ARID3B: variants seen among roughly 807,000 people sequenced by gnomAD.
ARID3B encodes AT-rich interactive domain-containing protein 3B.
In ARID3B, 10 loss-of-function variants were observed where a neutral mutation model predicts 51.9. The observed-to-expected ratio is 0.19, with a 90% confidence interval of 0.12 to 0.33. ARID3B has a LOEUF of 0.33. Among genes scored for constraint, ARID3B ranks in the 10% least tolerant of loss-of-function variants. The probability of loss-of-function intolerance (pLI) is 1.00; values close to 1 mark genes in which losing one functional copy is unlikely to be tolerated. For synonymous variants in ARID3B, 205 were observed against 279.5 expected (o/e 0.73, Z 2.66); for missense variants, 483 against 716.3 (o/e 0.67, Z 3.72).
At chr15:74,575,866 CTTG>C (rs2061735701) in intron 4 of ARID3B, among the ~76,000 whole-genome samples, 1 of 152,032 alleles carries the variant, frequency 6.6e-6, no homozygotes, top group South Asian at 2.1e-4. Context: ...ATGGGTAGTC[CTTG>C]TTGTGGAGAC....
intron 2 of ARID3B, among the ~76,000 whole-genome samples, chr15:74,554,979 G>A (rs1451342144): frequency 6.6e-6 from 1 of 151,910 alleles, no homozygotes; most frequent in East Asian, 1.9e-4. Context: ...TAACTAAAAT[G>A]TTTTATTGCT....
intron 2 of ARID3B, among the ~76,000 whole-genome samples, chr15:74,546,033 A>G (rs2141372446): frequency 6.6e-6 from 1 of 152,318 alleles, no homozygotes; most frequent in African/African-American, 2.4e-5. Context: ...TTATGTAAAC[A>G]GTGCCATCCT....
intron 8 of ARID3B, among the ~76,000 whole-genome samples, chr15:74,595,204 T>TA (rs1307978568): frequency 4.5e-4 from 69 of 151,948 alleles, no homozygotes; most frequent in Non-Finnish European, 7.8e-4. Flanking sequence ...CAGCTAATTT[T>TA]AAAAAAAATT....
At chr15:74,557,861 G>A (rs1203414378) in intron 2 of ARID3B, among the ~76,000 whole-genome samples, 1 of 126,588 alleles carries the variant, frequency 7.9e-6, no homozygotes, top group Non-Finnish European at 1.6e-5. Flanking sequence ...TCACTCTGTC[G>A]CCCAGGCTGG....
intron 2 of ARID3B, among the ~76,000 whole-genome samples, chr15:74,570,691 A>G (rs915188171): frequency 6.6e-6 from 1 of 152,132 alleles, no homozygotes; most frequent in Non-Finnish European, 1.5e-5. Flanking sequence ...TCCAGCAGGA[A>G]TTACTGGCTC....
intron 8 of ARID3B, 57 bp from the exon 9 acceptor site, chr15:74,595,554 C>T: frequency 1.9e-6 from 3 of 1,571,244 alleles, no homozygotes; most frequent in Non-Finnish European, 2.6e-6. Flanking sequence ...CTGAAAGGAG[C>T]TGGCCCTCCC....
chr15:74,583,316 CA>C (rs2061768610), intron 4 of ARID3B, among the ~76,000 whole-genome samples: 1 of 151,974 alleles, frequency 6.6e-6, no homozygotes, highest in Non-Finnish European at 1.5e-5. Flanking sequence ...ATATAAAGTT[CA>C]AAAAAATATA....
chr15:74,574,924 C>T (rs992887266), intron 4 of ARID3B: 2 of 151,044 alleles, frequency 1.3e-5, no homozygotes, highest in African/African-American at 2.4e-5. Flanking sequence ...ATTGCTTGAA[C>T]TCGGGAGATG....
At chr15:74,544,605 A>C in intron 2 of ARID3B, 117 bp downstream of exon 2, 1 of 985,682 alleles carries the variant, frequency 1.0e-6, no homozygotes, top group South Asian at 1.6e-5. Context: ...TTCGGTGACC[A>C]ACAGCCTAGA....
intron 4 of ARID3B, among the ~76,000 whole-genome samples, chr15:74,588,161 G>A (rs933819536): frequency 3.3e-5 from 5 of 151,912 alleles, no homozygotes; most frequent in African/African-American, 9.7e-5. Context: ...AGGATGGCTG[G>A]AGGTTAAGTC....
At chr15:74,543,230 A>G (rs2061601066) in intron 1 of ARID3B, among the ~76,000 whole-genome samples, 1 of 152,210 alleles carries the variant, frequency 6.6e-6, no homozygotes, top group Admixed American at 6.5e-5. Context: ...ATGTCCAGTT[A>G]GTATGGCTCA....
chr15:74,551,798 T>G (rs985282373), intron 2 of ARID3B, among the ~76,000 whole-genome samples: 2 of 152,144 alleles, frequency 1.3e-5, no homozygotes, highest in African/African-American at 4.8e-5. Flanking sequence ...GCAACAAAGC[T>G]TCTCAAAGGA....
chr15:74,561,688 CT>C (rs2061680011), intron 2 of ARID3B, among the ~76,000 whole-genome samples: 1 of 152,198 alleles, frequency 6.6e-6, no homozygotes, highest in Non-Finnish European at 1.5e-5. Flanking sequence ...CTTCAGAGCA[CT>C]GTGCTGAGGA....
intron 2 of ARID3B, among the ~76,000 whole-genome samples, chr15:74,553,806 T>A (rs1348960883): frequency 6.6e-6 from 1 of 150,822 alleles, no homozygotes; most frequent in Non-Finnish European, 1.5e-5. Context: ...TTTTAATTTT[T>A]ATTTATTTAT....
intron 4 of ARID3B, among the ~76,000 whole-genome samples, chr15:74,582,193 A>G (rs1415954284): frequency 1.3e-5 from 2 of 150,312 alleles, no homozygotes; most frequent in Admixed American, 6.6e-5. Flanking sequence ...TTTGAGACAG[A>G]GTCTCACTCT....
chr15:74,558,088 T>G (rs1156604420), intron 2 of ARID3B, among the ~76,000 whole-genome samples: 1 of 151,906 alleles, frequency 6.6e-6, no homozygotes, highest in African/African-American at 2.4e-5. Flanking sequence ...CCCAAAGTGC[T>G]GGGATTACAG....
chr15:74,562,437 A>G (rs192618929), intron 2 of ARID3B, among the ~76,000 whole-genome samples: 1 of 152,234 alleles, frequency 6.6e-6, no homozygotes, highest in Admixed American at 6.5e-5. Flanking sequence ...CACCATGCCC[A>G]GTCCAATATT....
At chr15:74,559,369 G>A (rs1328229470) in intron 2 of ARID3B, among the ~76,000 whole-genome samples, 1 of 152,206 alleles carries the variant, frequency 6.6e-6, no homozygotes, top group Non-Finnish European at 1.5e-5. Flanking sequence ...GAAGAAGCGA[G>A]GGAGATGGTG....
At chr15:74,588,828 G>T (rs529853155) in intron 4 of ARID3B, among the ~76,000 whole-genome samples, 1 of 151,980 alleles carries the variant, frequency 6.6e-6, no homozygotes, top group African/African-American at 2.4e-5. Flanking sequence ...AAGCTGCTCT[G>T]ACCCTCCCCC....
Sources: allele counts gnomAD v4.1 joint callset (sites outside exome capture counted in the v4.1 genomes callset), GRCh38; gene constraint gnomAD v4.1.1; transcripts MANE v1.5; gene names NCBI Gene and HGNC (gene_info 2026-07-23, HGNC 2026-07-21).